Variants in NPAS3 observed in about 807,000 individuals in gnomAD.
The protein encoded by NPAS3 is neuronal PAS domain-containing protein 3.
NPAS3 carries 14 observed loss-of-function variants against 73.1 expected under a neutral mutation model. The ratio of observed to expected loss-of-function variants is 0.19; its 90% CI spans 0.13 to 0.30. The LOEUF is 0.30. NPAS3 is among the 10% of genes least tolerant of loss of function. The probability of loss-of-function intolerance (pLI) is 1.00; values close to 1 mark genes in which losing one functional copy is unlikely to be tolerated. For missense variants in NPAS3, 1,096 were observed against 1,250.0 expected, an observed-to-expected ratio of 0.88 and a Z score of 1.86; for synonymous variants, 620 against 541.5, an observed-to-expected ratio of 1.14 and a Z score of -2.01.
chr14:33,373,240 T>C (rs2046170854), intron 4 of NPAS3, among the ~76,000 whole-genome samples: 1 of 152,234 alleles, frequency 6.6e-6, no homozygotes, highest in African/African-American at 2.4e-5. Flanking sequence ...ATAATTGTTA[T>C]ATAAAGTTGC....
At chr14:33,257,266 T>G (rs1462814591) in intron 3 of NPAS3, among the ~76,000 whole-genome samples, 1 of 152,190 alleles carries the variant, frequency 6.6e-6, no homozygotes. Context: ...CACCAACGCT[T>G]ACCTCTTTTC....
chr14:33,686,692 G>A (rs60248345), intron 6 of NPAS3, among the ~76,000 whole-genome samples: 39,344 of 151,996 alleles, frequency 0.26, 5,371 homozygotes, highest in Non-Finnish European at 0.31. Context: ...GTAGGTAGAC[G>A]GTCTAGAATT....
At chr14:33,072,036 G>A (rs1013378366) in intron 2 of NPAS3, among the ~76,000 whole-genome samples, 2 of 152,078 alleles carry the variant, frequency 1.3e-5, no homozygotes, top group Non-Finnish European at 2.9e-5. Flanking sequence ...GATTACAGAT[G>A]TGCACCACCA....
At chr14:33,512,974 A>G (rs577915083) in intron 4 of NPAS3, among the ~76,000 whole-genome samples, 1 of 152,136 alleles carries the variant, frequency 6.6e-6, no homozygotes, top group Non-Finnish European at 1.5e-5. Context: ...GTAACCCCCA[A>G]TGTGTTTGCA....
intron 5 of NPAS3, among the ~76,000 whole-genome samples, chr14:33,619,145 T>C (rs1292856843): frequency 6.6e-6 from 1 of 152,244 alleles, no homozygotes; most frequent in African/African-American, 2.4e-5. Flanking sequence ...AGAAGTTCTT[T>C]AGCTTCTTTG....
At chr14:33,039,633 G>T (rs1276435371) in intron 1 of NPAS3, among the ~76,000 whole-genome samples, 4 of 152,196 alleles carry the variant, frequency 2.6e-5, no homozygotes, top group Non-Finnish European at 1.5e-5. Flanking sequence ...AACAGTCTGG[G>T]TCTGCCACAG....
intron 7 of NPAS3, among the ~76,000 whole-genome samples, chr14:33,770,965 C>A (rs1430123630): frequency 6.6e-6 from 1 of 152,164 alleles, no homozygotes; most frequent in Non-Finnish European, 1.5e-5. Flanking sequence ...GGTTTTAAAT[C>A]TTTGATATAC....
chr14:33,641,368 T>C lies in NPAS3; in HGVS notation c.559-34843T>C, dbSNP rs145328700. Among the ~76,000 whole-genome samples the C allele has an allele frequency of 1.9e-3, 297 of 152,318 alleles. 1 individual carries two copies. The highest frequency in any genetic ancestry group is 6.8e-3 in the African/African-American group (282 of 41,566). Reference sequence around the variant, plus strand: ...TGAAAAAAATAACACAGTCCCTAATTTAATCAAGCTGCAAATGTTTAAATA... The same window carrying C: ...TGAAAAAAATAACACAGTCCCTAATCTAATCAAGCTGCAAATGTTTAAATA... On this transcript the variant is annotated intron_variant, in intron 5 of 11. Coordinates refer to ENST00000356141, the Ensembl canonical transcript of NPAS3.
At chr14:33,436,234 C>A (rs78058733) in intron 4 of NPAS3, among the ~76,000 whole-genome samples, 144 of 152,270 alleles carry the variant, frequency 9.5e-4, no homozygotes, top group African/African-American at 3.3e-3. Flanking sequence ...AAGTCCTCCG[C>A]TGACCAGTAG....
At chr14:33,008,854 C>T (rs4982030) in intron 1 of NPAS3, among the ~76,000 whole-genome samples, 125,315 of 152,028 alleles carry the variant, frequency 0.82, 51,771 homozygotes, top group Middle Eastern at 0.89. Flanking sequence ...ATTTATGAGC[C>T]GTATGTCAGT....
chr14:33,176,758 TG>T (rs1299993335), intron 2 of NPAS3, among the ~76,000 whole-genome samples: 1 of 152,202 alleles, frequency 6.6e-6, no homozygotes, highest in Non-Finnish European at 1.5e-5. Flanking sequence ...CTGGGTCAAA[TG>T]GTAATTCTGT....
In NPAS3 at chr14:33,665,253, C is replaced by T. The variant is rs150459134; in HGVS notation, c.559-10958C>T. On this transcript the variant is annotated intron_variant, in intron 5 of 11. Transcript: ENST00000356141. ...AAGTGGGAATTGAACAATGAGAACA[C>T]ATGGACACAGGGAGGGGAACATCAC... Among the ~76,000 whole-genome samples the T allele has an allele frequency of 6.1e-3, 925 of 152,204 alleles. 6 individuals carry two copies. Among genetic ancestry groups the T allele is most frequent in the African/African-American group, 0.021 (860 of 41,528 alleles).
chr14:33,769,756 C>CTTTTTTTTTTTTTTTTTTTTTTTTTT (rs916953785), intron 7 of NPAS3, among the ~76,000 whole-genome samples: 2 of 81,852 alleles, frequency 2.4e-5, no homozygotes, highest in Non-Finnish European at 4.4e-5. Context: ...TTTTTTTTTT[C>CTTTTTTTTTTTTTTTTTTTTTTTTTT]TTTTTTTTTT....
chr14:32,945,570 A>G (rs1191273587), intron 1 of NPAS3, among the ~76,000 whole-genome samples: 1 of 152,206 alleles, frequency 6.6e-6, no homozygotes. Context: ...GAACTTAGGC[A>G]GTACAGTCTT....
At chr14:33,315,145 G>T (rs1432540581) in intron 3 of NPAS3, among the ~76,000 whole-genome samples, 1 of 152,046 alleles carries the variant, frequency 6.6e-6, no homozygotes, top group Admixed American at 6.6e-5. Context: ...GCTATTGTCA[G>T]ATAGGTAAGG....
intron 9 of NPAS3, among the ~76,000 whole-genome samples, chr14:33,784,217 G>C (rs1314958785): frequency 6.6e-6 from 1 of 152,222 alleles, no homozygotes; most frequent in Non-Finnish European, 1.5e-5. Context: ...AATATGAGCA[G>C]TCGTTTTTTT....
At chr14:33,170,798 T>C (rs1233056324) in intron 2 of NPAS3, among the ~76,000 whole-genome samples, 1 of 152,220 alleles carries the variant, frequency 6.6e-6, no homozygotes, top group African/African-American at 2.4e-5. Flanking sequence ...TTGAGTTCAT[T>C]TCCATACATC....
intron 4 of NPAS3, among the ~76,000 whole-genome samples, chr14:33,407,641 G>A (rs1325730068): frequency 6.6e-6 from 1 of 152,040 alleles, no homozygotes; most frequent in South Asian, 2.1e-4. Context: ...ATAAATTACT[G>A]CTTACTCCTT....
intron 4 of NPAS3, among the ~76,000 whole-genome samples, chr14:33,493,427 G>C (rs1456859682): frequency 6.6e-6 from 1 of 151,236 alleles, no homozygotes; most frequent in Non-Finnish European, 1.5e-5. Flanking sequence ...GCATCGCTTT[G>C]TGACTCTGAA....
Sources: allele counts gnomAD v4.1 joint callset (sites outside exome capture counted in the v4.1 genomes callset), GRCh38; gene constraint gnomAD v4.1.1; transcripts MANE v1.5; gene names NCBI Gene and HGNC (gene_info 2026-07-23, HGNC 2026-07-21).